Variants in CAMTA1 observed in about 807,000 individuals in gnomAD.
The protein encoded by CAMTA1 is calmodulin binding transcription activator 1.
CAMTA1 carries 27 observed loss-of-function variants against 170.9 expected under a neutral mutation model. The ratio of observed to expected loss-of-function variants is 0.16; its 90% CI spans 0.12 to 0.22. CAMTA1 has a LOEUF of 0.22. CAMTA1 is among the 10% of genes least tolerant of loss of function. The probability of loss-of-function intolerance (pLI) is 1.00; values close to 1 mark genes in which losing one functional copy is unlikely to be tolerated. For synonymous variants in CAMTA1, 833 were observed against 891.5 expected, an observed-to-expected ratio of 0.93 and a Z score of 1.17; for missense variants, 1,619 against 2,217.2, an observed-to-expected ratio of 0.73 and a Z score of 5.42.
intron 6 of CAMTA1, among the ~76,000 whole-genome samples, chr1:7,551,343 T>C (rs1479975364): frequency 6.6e-6 from 1 of 152,038 alleles, no homozygotes; most frequent in African/African-American, 2.4e-5. Context: ...TGTATGTATC[T>C]GTGCATGAGT....
At chr1:7,097,310 C>T (rs775751849) in intron 4 of CAMTA1, among the ~76,000 whole-genome samples, 9 of 152,176 alleles carry the variant, frequency 5.9e-5, no homozygotes, top group Admixed American at 2.0e-4. Flanking sequence ...GAGTTGGGGG[C>T]GGACAGAGTG....
intron 6 of CAMTA1, among the ~76,000 whole-genome samples, chr1:7,550,766 G>A (rs186809319): frequency 0.018 from 294 of 16,544 alleles, 5 homozygotes; most frequent in Admixed American, 0.1. Context: ...CCTCCCACCC[G>A]GCCCTCTCCT....
At chr1:7,672,950 C>T (rs1311512392) in intron 10 of CAMTA1, among the ~76,000 whole-genome samples, 1 of 152,206 alleles carries the variant, frequency 6.6e-6, no homozygotes, top group East Asian at 1.9e-4. Context: ...GCCTGGAGCA[C>T]AGCCAGCCGG....
rs553917484 is a variant in CAMTA1 at position 7,493,266 on chromosome 1, C to A, written c.510+25365C>A. Among the ~76,000 whole-genome samples the A allele has an allele frequency of 7.1e-3, 630 of 88,690 alleles. 7 individuals carry two copies. The highest frequency in any genetic ancestry group is 0.038 in the African/African-American group (609 of 15,980). The allele number at this position is 88,690 out of a possible 152,430, so 58.2% of individuals were successfully genotyped here. On this transcript the variant is annotated intron_variant, in intron 6 of 22. Transcript: ENST00000303635. ...ACGCACACACAAACCTACGTACACA[C>A]GCACACAAACATACACGCGCACAAA...
At chr1:7,408,018 G>A (rs1454699875) in intron 5 of CAMTA1, among the ~76,000 whole-genome samples, 1 of 152,220 alleles carries the variant, frequency 6.6e-6, no homozygotes, top group Non-Finnish European at 1.5e-5. Flanking sequence ...CAAAGACCCT[G>A]AGTGGGAGAA....
chr1:7,639,535 G>A (rs2095744036), intron 6 of CAMTA1, among the ~76,000 whole-genome samples: 1 of 152,176 alleles, frequency 6.6e-6, no homozygotes, highest in African/African-American at 2.4e-5. Flanking sequence ...CAGTTTGGGA[G>A]GCTGAGGTGG....
intron 5 of CAMTA1, among the ~76,000 whole-genome samples, chr1:7,465,237 G>T (rs1343418398): frequency 6.6e-6 from 1 of 152,192 alleles, no homozygotes; most frequent in East Asian, 1.9e-4. Flanking sequence ...GCCCTCAGGA[G>T]CCCCCATTCT....
chr1:7,368,409 A>G (rs1458559112), intron 5 of CAMTA1, among the ~76,000 whole-genome samples: 1 of 151,254 alleles, frequency 6.6e-6, no homozygotes, highest in Non-Finnish European at 1.5e-5. Flanking sequence ...TCATGCTTTC[A>G]TTGGGCGCAG....
At chr1:7,725,650 C>T (rs888646802) in intron 11 of CAMTA1, among the ~76,000 whole-genome samples, 4 of 152,170 alleles carry the variant, frequency 2.6e-5, no homozygotes, top group Admixed American at 1.3e-4. Context: ...TGGAAACAGG[C>T]CAGGGTCTTA....
intron 5 of CAMTA1, among the ~76,000 whole-genome samples, chr1:7,417,789 C>T (rs1250646273): frequency 6.6e-6 from 1 of 152,170 alleles, no homozygotes; most frequent in Non-Finnish European, 1.5e-5. Flanking sequence ...CTGTCCTGCA[C>T]CCACCGTCCG....
chr1:7,702,897 G>C (rs2096457378), intron 11 of CAMTA1, among the ~76,000 whole-genome samples: 6 of 152,130 alleles, frequency 3.9e-5, no homozygotes, highest in Admixed American at 3.9e-4. Flanking sequence ...AGCTAACTTT[G>C]ATTGAATGTA....
At chr1:7,073,424 A>G (rs1465355489) in intron 3 of CAMTA1, among the ~76,000 whole-genome samples, 1 of 152,078 alleles carries the variant, frequency 6.6e-6, no homozygotes, top group African/African-American at 2.4e-5. Context: ...TGCAGAGATG[A>G]CGTTTAAAGT....
At chr1:7,487,271 C>T (rs950640201) in intron 6 of CAMTA1, among the ~76,000 whole-genome samples, 6 of 152,152 alleles carry the variant, frequency 3.9e-5, no homozygotes, top group Admixed American at 3.9e-4. Flanking sequence ...CAAGAGGGAA[C>T]TAAGAAGGCA....
intron 5 of CAMTA1, among the ~76,000 whole-genome samples, chr1:7,272,091 C>T (rs2149407048): frequency 6.6e-6 from 1 of 152,086 alleles, no homozygotes; most frequent in African/African-American, 2.4e-5. Context: ...TATCTATATA[C>T]ATGAGCAATA....
chr1:7,622,935 G>T (rs910783161), intron 6 of CAMTA1, among the ~76,000 whole-genome samples: 1 of 152,156 alleles, frequency 6.6e-6, no homozygotes, highest in Non-Finnish European at 1.5e-5. Context: ...CTGTGAGCCC[G>T]AGTCTGTCCT....
chr1:7,747,815 G>T, intron 19 of CAMTA1, 34 bp downstream of exon 19: 1 of 1,519,310 alleles, frequency 6.6e-7, no homozygotes, highest in African/African-American at 1.4e-5. Flanking sequence ...GAAGGAAACT[G>T]TGCCCCACCC....
intron 3 of CAMTA1, among the ~76,000 whole-genome samples, chr1:6,861,584 T>A (rs1026624254): frequency 6.6e-6 from 1 of 152,190 alleles, no homozygotes; most frequent in African/African-American, 2.4e-5. Flanking sequence ...CCCATTTACA[T>A]TGAACTGCAT....
chr1:7,212,694 G>A (rs74051194), intron 4 of CAMTA1, among the ~76,000 whole-genome samples: 12,382 of 152,122 alleles, frequency 0.081, 1,573 homozygotes, highest in African/African-American at 0.28. Flanking sequence ...GCACAATTAA[G>A]ATACAGAACA....
intron 5 of CAMTA1, among the ~76,000 whole-genome samples, chr1:7,255,300 T>C (rs1022535289): frequency 2.6e-5 from 4 of 151,870 alleles, no homozygotes; most frequent in African/African-American, 7.3e-5. Flanking sequence ...AATAAAAAAA[T>C]AAAAAATTAT....
Sources: allele counts gnomAD v4.1 joint callset (sites outside exome capture counted in the v4.1 genomes callset), GRCh38; gene constraint gnomAD v4.1.1; transcripts MANE v1.5; gene names NCBI Gene and HGNC (gene_info 2026-07-23, HGNC 2026-07-21).